Variants in DGKG observed in about 807,000 individuals in gnomAD.
DGKG encodes DAG kinase gamma.
DGKG carries 78 observed loss-of-function variants against 105.3 expected under a neutral mutation model. The ratio of observed to expected loss-of-function variants is 0.74; its 90% CI spans 0.62 to 0.89. DGKG has a LOEUF of 0.89. Among genes scored for constraint, DGKG ranks in the 40% least tolerant of loss-of-function variants. The pLI is 0.00. For synonymous variants in DGKG, 346 were observed against 367.1 expected, an observed-to-expected ratio of 0.94 and a Z score of 0.66; for missense variants, 958 against 1,020.1, an observed-to-expected ratio of 0.94 and a Z score of 0.83.
At chr3:186,263,573 A>ACAAGCAAGCAAGCAAG (rs60417496) in intron 14 of DGKG, among the ~76,000 whole-genome samples, 16 of 151,264 alleles carry the variant, frequency 1.1e-4, no homozygotes, top group African/African-American at 3.9e-4. Context: ...ATCTCAAAAA[A>ACAAGCAAGCAAGCAAG]CAAGCAAGCA....
rs569945249 is a variant in DGKG at position 186,288,361 on chromosome 3, A to T, written c.544+349T>A. On this transcript the variant is annotated intron_variant, in intron 6 of 24. Transcript: ENST00000265022. ...TTGAATATCTTTCTTTAAAAAATCTATTAAGAGGAGGTAGCAGTTTTCTGA... is the reference window on the plus strand; with the variant it reads ...TTGAATATCTTTCTTTAAAAAATCTTTTAAGAGGAGGTAGCAGTTTTCTGA... Among the ~76,000 whole-genome samples, 5 of 152,322 alleles carry T rather than the reference A, an allele frequency of 3.3e-5. No individual in the cohort carries two copies. The East Asian group carries it at 9.7e-4, about 29-fold the overall frequency.
chr3:186,260,349 G>A (rs927100555), intron 16 of DGKG, 90 bp downstream of exon 16: 3 of 947,120 alleles, frequency 3.2e-6, no homozygotes, highest in Non-Finnish European at 5.0e-6. Flanking sequence ...GTTGAGAGAC[G>A]AAAGAAAAAA....
chr3:186,221,905 C>T (rs369629068), intron 20 of DGKG, among the ~76,000 whole-genome samples: 10 of 152,328 alleles, frequency 6.6e-5, no homozygotes, highest in Non-Finnish European at 1.0e-4. Flanking sequence ...TGAGCTCTGC[C>T]GGCCCCCAGC....
chr3:186,335,739 A>G (rs540700427), intron 1 of DGKG, among the ~76,000 whole-genome samples: 154 of 152,326 alleles, frequency 1.0e-3, no homozygotes, highest in Admixed American at 3.0e-3. Context: ...TTTTAGTTCT[A>G]TAAGTTTATC....
At chr3:186,228,555 G>A (rs966338358) in intron 20 of DGKG, among the ~76,000 whole-genome samples, 1 of 152,112 alleles carries the variant, frequency 6.6e-6, no homozygotes, top group Non-Finnish European at 1.5e-5. Context: ...GCAGACCAGC[G>A]AGATCTGCTG....
chr3:186,234,388 C>T (rs964473585), intron 20 of DGKG, among the ~76,000 whole-genome samples: 1 of 152,204 alleles, frequency 6.6e-6, no homozygotes. Context: ...AATTTGTGTG[C>T]TTTGATTTTC....
At chr3:186,342,042 G>C (rs974343862) in intron 1 of DGKG, among the ~76,000 whole-genome samples, 2 of 152,192 alleles carry the variant, frequency 1.3e-5, no homozygotes, top group Non-Finnish European at 2.9e-5. Flanking sequence ...AGGAGGGATA[G>C]CACTGGGAGA....
chr3:186,187,544 A>C (rs1331456030), intron 22 of DGKG, among the ~76,000 whole-genome samples: 1 of 152,222 alleles, frequency 6.6e-6, no homozygotes, highest in African/African-American at 2.4e-5. Flanking sequence ...TAAACACATA[A>C]GGGAAGTATG....
intron 9 of DGKG, among the ~76,000 whole-genome samples, chr3:186,275,949 T>G (rs562411603): frequency 1.3e-3 from 37 of 27,814 alleles, no homozygotes; most frequent in Non-Finnish European, 1.9e-3. Context: ...CAATCTGATC[T>G]ATCTATCTAT....
At chr3:186,175,704 T>C (rs1368567078) in intron 22 of DGKG, among the ~76,000 whole-genome samples, 1 of 152,172 alleles carries the variant, frequency 6.6e-6, no homozygotes, top group African/African-American at 2.4e-5. Flanking sequence ...CTCCGCAGCC[T>C]AGAGCTTTAC....
rs11919629 is a variant in DGKG, at chr3:186,160,977, A to G, written c.2277+626T>C. 1,465 of 985,478 alleles carry G rather than the reference A, an allele frequency of 1.5e-3. 22 individuals are homozygous for G. The African/African-American group carries it at 0.023, about 16-fold the overall frequency. The allele number at this position is 985,478 out of a possible 1,614,324, so 61.0% of individuals were successfully genotyped here. The stretch of plus-strand genomic sequence containing the variant: ...ATTTGACATGTATTATTGTGCAACT[A>G]TTACAAACCAGGCACTGTTCTACGT... On this transcript the variant is annotated intron_variant, in intron 24 of 24. Coordinates refer to ENST00000265022, the MANE Select transcript of DGKG (RefSeq NM_001346.3).
At chr3:186,353,510 T>A (rs1030221356) in intron 1 of DGKG, among the ~76,000 whole-genome samples, 6 of 148,692 alleles carry the variant, frequency 4.0e-5, no homozygotes, top group Middle Eastern at 3.2e-3. Flanking sequence ...CAGAGTGAGA[T>A]CCCATCTCAA....
chr3:186,286,191 C>T (rs1047101459), intron 6 of DGKG, among the ~76,000 whole-genome samples: 15 of 152,058 alleles, frequency 9.9e-5, no homozygotes, highest in Non-Finnish European at 1.8e-4. Flanking sequence ...AAGTCAAAGT[C>T]CTTTAAAGGT....
At chr3:186,338,935 C>A (rs939622661) in intron 1 of DGKG, among the ~76,000 whole-genome samples, 4 of 152,082 alleles carry the variant, frequency 2.6e-5, no homozygotes, top group African/African-American at 9.7e-5. Flanking sequence ...TGTATTATGT[C>A]TTTTCATTCT....
chr3:186,346,965 T>C (rs1410209643), intron 1 of DGKG, among the ~76,000 whole-genome samples: 1 of 152,204 alleles, frequency 6.6e-6, no homozygotes, highest in African/African-American at 2.4e-5. Context: ...TATTGTATCA[T>C]TTAATGATTT....
At chr3:186,255,370 C>G (rs539168933) in intron 17 of DGKG, among the ~76,000 whole-genome samples, 3 of 152,230 alleles carry the variant, frequency 2.0e-5, no homozygotes, top group Non-Finnish European at 2.9e-5. Context: ...TTCACATTCA[C>G]GTTGGAAAAC....
rs143541289 is a variant in DGKG, at chr3:186,306,018, G to A, written c.144+883C>T. ...AGAAATCAGGAGAATGTAGAATGTA[G>A]TGAAGAAAATGGAGGATGACTTGAC... On this transcript the variant is annotated intron_variant, in intron 3 of 24. Coordinates refer to ENST00000265022, the MANE Select transcript of DGKG (RefSeq NM_001346.3). 1.4e-3 allele frequency among the ~76,000 whole-genome samples: 206 copies of A among 152,314 alleles called. 2 individuals are homozygous for A. The highest frequency in any genetic ancestry group is 4.7e-3 in the African/African-American group (194 of 41,590).
rs1722982487 is a variant in DGKG at position 186,284,697 on chromosome 3, A to G, written c.557T>C (p.Leu186Pro). 1 of 1,613,792 alleles carries G rather than the reference A, an allele frequency of 6.2e-7. No individual in the cohort carries two copies. Among genetic ancestry groups the G allele is most frequent in the African/African-American group, 1.3e-5 (1 of 74,914 alleles). The part of the protein sequence containing the change: ...PQDKLEFMFR[L>P]YDSDENGLLD... ...GAGACCGTTCTCATCTGAATCATAG[A>G]GGCGAAACATGACTGTAAGAAACAC... The change falls in exon 7 of 25, where the codon CTC becomes CCC. Residue 186 changes from leucine to proline, a missense_variant. Transcript: ENST00000265022. This position sits in a 1 kb window ranked among gnomAD's most constrained non-coding sequence, Gnocchi z 4.0.
chr3:186,160,005 C>T (rs1268622077), intron 24 of DGKG: 9 of 227,254 alleles, frequency 4.0e-5, no homozygotes, highest in African/African-American at 2.1e-4. Flanking sequence ...CTTCCGGCAC[C>T]TTGGTCTTGT....
Sources: allele counts gnomAD v4.1 joint callset (sites outside exome capture counted in the v4.1 genomes callset), GRCh38; gene constraint gnomAD v4.1.1; non-coding constraint Gnocchi (gnomAD v3.1); transcripts MANE v1.5; gene names NCBI Gene and HGNC (gene_info 2026-07-23, HGNC 2026-07-21).